The following RANBP2 variants were observed in gnomAD, a reference collection of about 807,000 sequenced individuals.
The protein encoded by RANBP2 is RAN binding protein 2.
A neutral mutation model predicts 303.6 loss-of-function variants in RANBP2; 57 were observed. The observed-to-expected ratio is 0.19, with a 90% CI of 0.15 to 0.23. The LOEUF is 0.23. Among genes scored for constraint, RANBP2 ranks in the 10% least tolerant of loss-of-function variants. The pLI is 1.00. For missense variants in RANBP2, 3,138 were observed against 3,780.8 expected, an observed-to-expected ratio of 0.83 and a Z score of 4.46; for synonymous variants, 1,167 against 1,301.5, an observed-to-expected ratio of 0.90 and a Z score of 2.23.
chr2:109,696,114 C>T, the RANBP2 span, among the ~76,000 whole-genome samples: 1 of 152,048 alleles, frequency 6.6e-6, no homozygotes, highest in Non-Finnish European at 1.5e-5. Context: ...CAGGCACCTG[C>T]CACCATGCCT....
At chr2:109,303,731 G>A in the RANBP2 span, among the ~76,000 whole-genome samples, 1 of 152,156 alleles carries the variant, frequency 6.6e-6, no homozygotes, top group Non-Finnish European at 1.5e-5. Context: ...GGCCTGGTTG[G>A]CATATAAAAA....
the RANBP2 span, among the ~76,000 whole-genome samples, chr2:108,828,989 A>C: frequency 6.6e-6 from 1 of 152,156 alleles, no homozygotes; most frequent in Admixed American, 6.5e-5. Context: ...AAAAGAAAAA[A>C]ATTTAACTCA....
At chr2:108,963,738 T>C in the RANBP2 span, among the ~76,000 whole-genome samples, 2 of 152,236 alleles carry the variant, frequency 1.3e-5, no homozygotes, top group African/African-American at 2.4e-5. Flanking sequence ...TCCCAGGCTA[T>C]GGGTATCACA....
the RANBP2 span, among the ~76,000 whole-genome samples, chr2:109,111,971 T>C: frequency 1.2e-4 from 18 of 152,176 alleles, no homozygotes; most frequent in African/African-American, 4.1e-4. Context: ...CTCATCATCT[T>C]TTATGGCTGC....
At chr2:109,250,308 G>C in the RANBP2 span, among the ~76,000 whole-genome samples, 1 of 152,142 alleles carries the variant, frequency 6.6e-6, no homozygotes, top group East Asian at 1.9e-4. Flanking sequence ...TGGTTGGACA[G>C]AGCCAACGTG....
chr2:109,615,959 C>T, the RANBP2 span: 6 of 1,582,984 alleles, frequency 3.8e-6, no homozygotes, highest in Non-Finnish European at 5.1e-6. Flanking sequence ...CTTTCAGGGA[C>T]CCAGAGCAGC....
chr2:109,457,200 T>C, the RANBP2 span, among the ~76,000 whole-genome samples: 4 of 152,170 alleles, frequency 2.6e-5, no homozygotes, highest in Non-Finnish European at 5.9e-5. Flanking sequence ...AGAACAAAAG[T>C]ATTAGAAATT....
chr2:108,725,429 G>A (rs1303247890), intron 1 of RANBP2, among the ~76,000 whole-genome samples: 1 of 152,188 alleles, frequency 6.6e-6, no homozygotes, highest in Non-Finnish European at 1.5e-5. Context: ...TTTCTATTAT[G>A]TTTTGGCATT....
chr2:108,911,766 T>C, the RANBP2 span, among the ~76,000 whole-genome samples: 1 of 151,926 alleles, frequency 6.6e-6, no homozygotes, highest in South Asian at 2.1e-4. Flanking sequence ...ACCACCCAAA[T>C]AGACAGGAGA....
the RANBP2 span, among the ~76,000 whole-genome samples, chr2:109,455,415 T>C: frequency 1.5e-4 from 23 of 152,342 alleles, 1 homozygote; most frequent in African/African-American, 5.3e-4. Flanking sequence ...ACAGAGGACC[T>C]GACAGAATGA....
the RANBP2 span, among the ~76,000 whole-genome samples, chr2:109,020,486 G>A: frequency 4.6e-5 from 7 of 152,218 alleles, no homozygotes; most frequent in Middle Eastern, 3.2e-3. Context: ...ACCCTTTGGA[G>A]TTGCAGATTC....
the RANBP2 span, among the ~76,000 whole-genome samples, chr2:109,676,968 C>T: frequency 7.2e-5 from 11 of 151,846 alleles, no homozygotes; most frequent in African/African-American, 1.9e-4. Flanking sequence ...TTTTTTTTTC[C>T]GAAGCTGGAA....
chr2:109,329,257 T>C, the RANBP2 span, among the ~76,000 whole-genome samples: 1 of 152,156 alleles, frequency 6.6e-6, no homozygotes, highest in African/African-American at 2.4e-5. Flanking sequence ...TGAAGCCTGG[T>C]TGATTGCTTC....
chr2:109,724,477 C>T, the RANBP2 span, among the ~76,000 whole-genome samples: 1 of 152,142 alleles, frequency 6.6e-6, no homozygotes, highest in Admixed American at 6.5e-5. Flanking sequence ...CCTTCACCTC[C>T]ATCAATCCTT....
chr2:109,168,736 A>G, the RANBP2 span, among the ~76,000 whole-genome samples: 1 of 152,202 alleles, frequency 6.6e-6, no homozygotes, highest in African/African-American at 2.4e-5. Context: ...CTGAGAGGCC[A>G]TCAGCACTGT....
chr2:109,223,887 C>T, the RANBP2 span, among the ~76,000 whole-genome samples: 1 of 152,190 alleles, frequency 6.6e-6, no homozygotes, highest in Admixed American at 6.5e-5. Flanking sequence ...GTCCCAGCTA[C>T]TCCGGAGGCT....
the RANBP2 span, among the ~76,000 whole-genome samples, chr2:109,645,173 A>C: frequency 6.6e-6 from 1 of 152,254 alleles, no homozygotes; most frequent in African/African-American, 2.4e-5. Context: ...CATGGGCCCC[A>C]GAAATTAATT....
chr2:109,325,968 C>T, the RANBP2 span, among the ~76,000 whole-genome samples: 55 of 152,304 alleles, frequency 3.6e-4, no homozygotes, highest in East Asian at 3.5e-3. Context: ...TGAACCGTAA[C>T]GTATATGTCA....
At chr2:109,187,349 G>A in the RANBP2 span, among the ~76,000 whole-genome samples, 1,353 of 107,350 alleles carry the variant, frequency 0.013, 11 homozygotes, top group Non-Finnish European at 0.018. Context: ...GAGTGCAAAA[G>A]ACAACCACAG....
Sources: gnomAD v4.1 joint callset for allele counts (sites outside exome capture counted in the v4.1 genomes callset) on GRCh38, gnomAD v4.1.1 for gene constraint, MANE v1.5 for transcripts, NCBI Gene and HGNC (gene_info 2026-07-23, HGNC 2026-07-21) for gene names.